Variants in CNTNAP2 observed in about 807,000 individuals in gnomAD.
CNTNAP2 encodes contactin-associated protein-like 2.
Under a neutral mutation model 155.2 loss-of-function variants are expected in CNTNAP2, and 98 were observed. The ratio of observed to expected loss-of-function variants is 0.63; its 90% CI spans 0.54 to 0.75. The LOEUF (loss-of-function observed/expected upper bound fraction) is 0.75, where lower values mean the gene tolerates loss of function less well. Ranked by LOEUF, CNTNAP2 falls within the 30% of genes least tolerant of loss-of-function variation. The pLI is 0.00. For synonymous variants in CNTNAP2, 651 were observed against 631.2 expected (o/e 1.03, Z -0.47); for missense variants, 1,727 against 1,688.1 (o/e 1.02, Z -0.40).
chr7:146,977,634 T>G (rs577083132), intron 3 of CNTNAP2, among the ~76,000 whole-genome samples: 12 of 152,340 alleles, frequency 7.9e-5, no homozygotes, highest in African/African-American at 2.9e-4. Flanking sequence ...TTATCAAATG[T>G]TTTAATAAAC....
At chr7:146,793,700 C>T (rs1422264324) in intron 2 of CNTNAP2, among the ~76,000 whole-genome samples, 1 of 152,234 alleles carries the variant, frequency 6.6e-6, no homozygotes, top group Admixed American at 6.5e-5. Flanking sequence ...TGAAATGTAG[C>T]ATTCAGCACT....
At chr7:147,158,125 CCT>C (rs1412613037) in intron 8 of CNTNAP2, among the ~76,000 whole-genome samples, 2 of 151,962 alleles carry the variant, frequency 1.3e-5, no homozygotes, top group Admixed American at 6.6e-5. Context: ...CTTCTGTTTC[CCT>C]GTTTCCCCAG....
intron 3 of CNTNAP2, among the ~76,000 whole-genome samples, chr7:146,990,089 AGGGGTT>A (rs1356942444): frequency 6.6e-6 from 1 of 152,084 alleles, no homozygotes. Flanking sequence ...ATAAAAAAAA[AGGGGTT>A]GAGGATTTGC....
chr7:147,645,844 A>G (rs1795357200), intron 13 of CNTNAP2, among the ~76,000 whole-genome samples: 2 of 152,216 alleles, frequency 1.3e-5, no homozygotes, highest in Non-Finnish European at 2.9e-5. Flanking sequence ...GATGGAGATC[A>G]AGAGACACTA....
intron 8 of CNTNAP2, among the ~76,000 whole-genome samples, chr7:147,297,435 G>A (rs1297710050): frequency 2.0e-5 from 3 of 152,138 alleles, no homozygotes; most frequent in Non-Finnish European, 4.4e-5. Context: ...TTAGTAATGA[G>A]AAACTATAAG....
At chr7:146,890,126 T>C (rs1278915707) in intron 3 of CNTNAP2, among the ~76,000 whole-genome samples, 1 of 152,118 alleles carries the variant, frequency 6.6e-6, no homozygotes, top group Non-Finnish European at 1.5e-5. Context: ...AAGATGAAAA[T>C]GCCACCTGTG....
At chr7:147,731,759 C>T (rs935752511) in intron 13 of CNTNAP2, among the ~76,000 whole-genome samples, 1 of 152,046 alleles carries the variant, frequency 6.6e-6, no homozygotes, top group African/African-American at 2.4e-5. Flanking sequence ...CTGGAAAGGA[C>T]CCACCATTTT....
At chr7:147,073,060 G>T (rs751217999) in intron 4 of CNTNAP2, among the ~76,000 whole-genome samples, 2 of 149,608 alleles carry the variant, frequency 1.3e-5, no homozygotes, top group Admixed American at 6.7e-5. Context: ...CACCGTGTTA[G>T]CCAGGATGGT....
intron 3 of CNTNAP2, among the ~76,000 whole-genome samples, chr7:146,900,530 G>C (rs947465574): frequency 3.3e-5 from 5 of 152,112 alleles, no homozygotes; most frequent in African/African-American, 1.2e-4. Flanking sequence ...TATTTGAATG[G>C]CTGATAGGGC....
At chr7:148,220,741 A>C (rs904904332) in intron 19 of CNTNAP2, among the ~76,000 whole-genome samples, 7 of 152,148 alleles carry the variant, frequency 4.6e-5, no homozygotes, top group African/African-American at 1.4e-4. Context: ...CTTTAATCAG[A>C]AAGATGAAAA....
chr7:146,999,719 C>G (rs550764890), intron 3 of CNTNAP2, among the ~76,000 whole-genome samples: 4 of 151,966 alleles, frequency 2.6e-5, no homozygotes, highest in African/African-American at 9.7e-5. Context: ...TCTCTTAGCC[C>G]GTAAGATTTT....
At chr7:147,451,765 CAA>C (rs113417672) in intron 10 of CNTNAP2, among the ~76,000 whole-genome samples, 5 of 108,306 alleles carry the variant, frequency 4.6e-5, no homozygotes, top group Non-Finnish European at 4.0e-5. Context: ...TTGTTTCTTC[CAA>C]AAAAAAAAAA....
intron 15 of CNTNAP2, among the ~76,000 whole-genome samples, chr7:148,094,647 G>T (rs939680730): frequency 6.6e-6 from 1 of 152,196 alleles, no homozygotes; most frequent in African/African-American, 2.4e-5. Flanking sequence ...ACCTGATTTT[G>T]CATGGGCATG....
intron 21 of CNTNAP2, among the ~76,000 whole-genome samples, chr7:148,275,974 C>A (rs575581424): frequency 6.6e-6 from 1 of 152,154 alleles, no homozygotes; most frequent in South Asian, 2.1e-4. Context: ...TTTGAGGAAC[C>A]ACAAGTTGCA....
At chr7:146,351,875 A>T (rs979919662) in intron 1 of CNTNAP2, among the ~76,000 whole-genome samples, 1 of 152,136 alleles carries the variant, frequency 6.6e-6, no homozygotes, top group African/African-American at 2.4e-5. Flanking sequence ...CTATTCCCCA[A>T]CTGTGAAAGG....
At chr7:147,438,254 T>G (rs1355492415) in intron 10 of CNTNAP2, among the ~76,000 whole-genome samples, 1 of 152,124 alleles carries the variant, frequency 6.6e-6, no homozygotes, top group Non-Finnish European at 1.5e-5. Context: ...GGGTTTGTCA[T>G]ATATGGCTTT....
chr7:147,209,198 A>G (rs1347141154), intron 8 of CNTNAP2, among the ~76,000 whole-genome samples: 1 of 151,976 alleles, frequency 6.6e-6, no homozygotes, highest in Non-Finnish European at 1.5e-5. Context: ...TTGGCCACTT[A>G]AACAATATTA....
intron 3 of CNTNAP2, among the ~76,000 whole-genome samples, chr7:146,906,822 GAGA>G (rs368146813): frequency 0.037 from 5,548 of 151,384 alleles, 100 homozygotes; most frequent in South Asian, 0.074. Flanking sequence ...GACGAGCTGA[GAGA>G]AGAAGGCTTC....
intron 1 of CNTNAP2, among the ~76,000 whole-genome samples, chr7:146,530,208 T>G (rs1563121391): frequency 6.6e-6 from 1 of 152,030 alleles, no homozygotes; most frequent in Non-Finnish European, 1.5e-5. Context: ...CCCTTTCATT[T>G]CCCCTTATTA....
Sources: gnomAD v4.1 joint callset for allele counts (sites outside exome capture counted in the v4.1 genomes callset) on GRCh38, gnomAD v4.1.1 for gene constraint, MANE v1.5 for transcripts, NCBI Gene and HGNC (gene_info 2026-07-23, HGNC 2026-07-21) for gene names.